Variants in SPATA13 observed in about 807,000 individuals in gnomAD.
SPATA13 encodes the protein spermatogenesis associated 13, also known as spermatogenesis-associated protein 13.
SPATA13 carries 50 observed loss-of-function variants against 104.0 expected under a neutral mutation model. The ratio of observed to expected loss-of-function variants is 0.48; its 90% CI spans 0.38 to 0.61. The LOEUF (loss-of-function observed/expected upper bound fraction) is 0.61. SPATA13 is among the 20% of genes least tolerant of loss of function. The pLI is 0.00. For missense variants in SPATA13, 1,524 were observed against 1,690.6 expected, an observed-to-expected ratio of 0.90 and a Z score of 1.73; for synonymous variants, 606 against 667.5, an observed-to-expected ratio of 0.91 and a Z score of 1.42.
intron 2 of SPATA13, among the ~76,000 whole-genome samples, chr13:23,987,907 G>A (rs1217689993): frequency 1.3e-5 from 2 of 151,554 alleles, no homozygotes; most frequent in Non-Finnish European, 2.9e-5. Flanking sequence ...CGTTCTTAAG[G>A]CCCAGGTATG....
intron 3 of SPATA13, among the ~76,000 whole-genome samples, chr13:24,100,310 A>G (rs952306069): frequency 1.3e-5 from 2 of 152,234 alleles, no homozygotes; most frequent in East Asian, 1.9e-4. Context: ...GCTCAGAGGT[A>G]CTGCCTGGCT....
chr13:24,123,512 T>A, intron 3 of SPATA13: 3 of 1,608,986 alleles, frequency 1.9e-6, no homozygotes, highest in Non-Finnish European at 2.6e-6. Context: ...GGGCTCCATC[T>A]TTTTTTCGAG....
chr13:24,197,779 G>A (rs1336276906), intron 1 of SPATA13, among the ~76,000 whole-genome samples: 1 of 151,966 alleles, frequency 6.6e-6, no homozygotes, highest in African/African-American at 2.4e-5. Context: ...ATATGTATAA[G>A]GATTAGTGAG....
chr13:24,259,401 G>A (rs1032595374), intron 4 of SPATA13, among the ~76,000 whole-genome samples: 4 of 152,218 alleles, frequency 2.6e-5, no homozygotes, highest in African/African-American at 9.7e-5. Flanking sequence ...TTTCTGCACA[G>A]GATTGAGGCT....
At chr13:24,130,399 C>T (rs990730173) in intron 3 of SPATA13, among the ~76,000 whole-genome samples, 5 of 152,124 alleles carry the variant, frequency 3.3e-5, no homozygotes, top group Admixed American at 2.6e-4. Flanking sequence ...CAGTCTAGGA[C>T]CCAGCCGATT....
At chr13:23,983,284 T>C (rs1874987183) in intron 1 of SPATA13, among the ~76,000 whole-genome samples, 3 of 152,182 alleles carry the variant, frequency 2.0e-5, no homozygotes, top group African/African-American at 7.2e-5. Context: ...GCCTTCTTAC[T>C]GCGTCTTCAC....
chr13:24,140,428 G>C (rs1047233239), intron 3 of SPATA13, among the ~76,000 whole-genome samples: 2 of 152,186 alleles, frequency 1.3e-5, no homozygotes, highest in Admixed American at 1.3e-4. Flanking sequence ...TTCATCTATA[G>C]AGTTTTCATT....
intron 2 of SPATA13, among the ~76,000 whole-genome samples, chr13:24,001,388 T>C (rs1875961147): frequency 6.6e-6 from 1 of 151,814 alleles, no homozygotes; most frequent in African/African-American, 2.4e-5. Context: ...GACACCTGCT[T>C]CTTCTGAGAA....
chr13:24,009,727 A>G (rs1414813106), intron 2 of SPATA13, among the ~76,000 whole-genome samples: 1 of 152,244 alleles, frequency 6.6e-6, no homozygotes, highest in Non-Finnish European at 1.5e-5. Context: ...TGAAGCCTCC[A>G]GGTAGCAGGC....
At chr13:24,131,879 C>T (rs1455716180) in intron 3 of SPATA13, among the ~76,000 whole-genome samples, 2 of 152,172 alleles carry the variant, frequency 1.3e-5, no homozygotes, top group Non-Finnish European at 2.9e-5. Flanking sequence ...AGGTAGGCAG[C>T]TGTGGCAGAC....
intron 3 of SPATA13, among the ~76,000 whole-genome samples, chr13:24,062,963 A>G (rs1156574438): frequency 2.0e-5 from 3 of 152,120 alleles, no homozygotes; most frequent in Non-Finnish European, 2.9e-5. Flanking sequence ...CGCACAGCCA[A>G]AGTGCCCCTG....
At chr13:24,145,844 G>C (rs756014704) in intron 3 of SPATA13, among the ~76,000 whole-genome samples, 1 of 152,238 alleles carries the variant, frequency 6.6e-6, no homozygotes, top group Non-Finnish European at 1.5e-5. Flanking sequence ...CTTCACGGCG[G>C]AGACAGAGCA....
intron 3 of SPATA13, among the ~76,000 whole-genome samples, chr13:24,135,187 C>T (rs892633817): frequency 1.3e-5 from 2 of 150,536 alleles, no homozygotes; most frequent in African/African-American, 4.9e-5. Flanking sequence ...TTTGTTAAGG[C>T]AACCCTAACA....
chr13:24,022,970 A>C (rs1410904370), intron 3 of SPATA13, among the ~76,000 whole-genome samples: 1 of 152,096 alleles, frequency 6.6e-6, no homozygotes, highest in Non-Finnish European at 1.5e-5. Flanking sequence ...TTTAAGTTCT[A>C]GGGTACATGT....
chr13:24,189,596 T>C (rs1397978587), intron 1 of SPATA13, among the ~76,000 whole-genome samples: 39 of 122,774 alleles, frequency 3.2e-4, no homozygotes, highest in African/African-American at 1.2e-3. Context: ...AATACAAATA[T>C]AAATATAAAA....
intron 3 of SPATA13, among the ~76,000 whole-genome samples, chr13:24,047,960 G>A (rs1274901498): frequency 6.6e-6 from 1 of 152,212 alleles, no homozygotes; most frequent in Admixed American, 6.5e-5. Context: ...CCAAGAACCA[G>A]GTGCGTCAAT....
In SPATA13 at chr13:24,286,683, A is replaced by G; in HGVS notation, c.2482-82A>G. 2.2e-6 allele frequency: 3 copies of G among 1,350,814 alleles called. No homozygotes were observed. The highest frequency in any genetic ancestry group is 2.0e-6 in the Non-Finnish European group (2 of 984,400). The allele number at this position is 1,350,814 out of a possible 1,614,324, so 83.7% of individuals were successfully genotyped here. ...CCTTCCTAACAGGTCACAGGAAAGT[A>G]GGAACCTGGGAGGTCTCCTGCCTCT... On this transcript the variant is annotated intron_variant, in intron 6 of 12. Coordinates refer to ENST00000382108, the MANE Select transcript of SPATA13 (RefSeq NM_001166271.3). This position sits in a 1 kb window ranked among gnomAD's most constrained non-coding sequence, Gnocchi z 4.9.
intron 3 of SPATA13, among the ~76,000 whole-genome samples, chr13:24,030,256 G>T (rs1877421686): frequency 6.6e-6 from 1 of 152,140 alleles, no homozygotes; most frequent in African/African-American, 2.4e-5. Flanking sequence ...TTAGACATAG[G>T]TGTAATGGCA....
At chr13:24,215,696 G>A (rs1275585937) in intron 1 of SPATA13, among the ~76,000 whole-genome samples, 2 of 152,136 alleles carry the variant, frequency 1.3e-5, no homozygotes, top group Admixed American at 1.3e-4. Context: ...TTCCCTTTAG[G>A]GGTATTCTGT....
Sources: gnomAD v4.1 joint callset for allele counts (sites outside exome capture counted in the v4.1 genomes callset) on GRCh38, gnomAD v4.1.1 for gene constraint, Gnocchi (gnomAD v3.1) non-coding constraint, MANE v1.5 for transcripts, NCBI Gene and HGNC (gene_info 2026-07-23, HGNC 2026-07-21) for gene names.